Variants in XPO5 observed in about 807,000 individuals in gnomAD.
The protein encoded by XPO5 is exportin-5.
Under a neutral mutation model 160.6 loss-of-function variants are expected in XPO5, and 46 were observed. That is an observed-to-expected ratio of 0.29 (90% CI 0.23 to 0.37). XPO5 has a LOEUF of 0.37. Among genes scored for constraint, XPO5 ranks in the 10% least tolerant of loss-of-function variants. The pLI is 1.00. For missense variants in XPO5, 1,090 were observed against 1,463.9 expected (o/e 0.74, Z 4.17); for synonymous variants, 537 against 519.3 (o/e 1.03, Z -0.46).
intron 20 of XPO5, among the ~76,000 whole-genome samples, chr6:43,535,966 T>C (rs1794295480): frequency 1.3e-5 from 2 of 149,144 alleles, no homozygotes; most frequent in Non-Finnish European, 1.5e-5. Flanking sequence ...CTACTAAAAA[T>C]ATAAAAATTA....
At chr6:43,551,564 C>T in intron 14 of XPO5, 111 bp from the exon 15 acceptor site, 1 of 1,373,424 alleles carries the variant, frequency 7.3e-7, no homozygotes, top group Non-Finnish European at 1.0e-6. Flanking sequence ...ATTCTGTCAC[C>T]TAGGCTGGAG....
Position 43,523,670 on chromosome 6 carries a change from A to G in XPO5, c.*198T>C, listed in dbSNP as rs1453190992. 2 of 878,058 alleles carry G rather than the reference A, an allele frequency of 2.3e-6. No homozygotes were observed. The highest frequency in any genetic ancestry group is 2.6e-5 in the South Asian group (2 of 75,814). 54.4% of individuals were successfully genotyped at this position (878,058 alleles called of 1,614,324 possible). ...TCTAGACAGAATAGTTTAAGCCCTAACTCCCTTTCTTGATACTTTAGTATA... is the reference window on the plus strand; with the variant it reads ...TCTAGACAGAATAGTTTAAGCCCTAGCTCCCTTTCTTGATACTTTAGTATA... On this transcript the variant is annotated 3_prime_UTR_variant, in exon 32 of 32. Coordinates refer to ENST00000265351, the MANE Select transcript of XPO5 (RefSeq NM_020750.3).
At chr6:43,548,647 G>A (rs1486672845) in intron 17 of XPO5, among the ~76,000 whole-genome samples, 187 bp from the exon 18 acceptor site, 1 of 151,930 alleles carries the variant, frequency 6.6e-6, no homozygotes, top group Non-Finnish European at 1.5e-5. Context: ...TTAGGCGGAA[G>A]ATAGCTCTTG....
At position 43,528,876 on chromosome 6, in the gene XPO5, T is replaced by G; in HGVS notation, c.2727A>C (p.Glu909Asp). 2.5e-6 allele frequency: 4 copies of G among 1,613,956 alleles called. No individual in the cohort carries two copies. The highest frequency in any genetic ancestry group is 3.4e-6 in the Non-Finnish European group (4 of 1,179,876). Residue 909 changes from glutamate to aspartate, a missense_variant, in exon 24 of 32, where the codon GAA becomes GAC. Glu to Asp is a conservative substitution (Grantham distance 45). This residue lies in a region of XPO5 where 810 missense variants were observed against 1,139.0 expected (regional missense o/e 0.71). Transcript: ENST00000265351. ...LVLFCPPEHYEALVSPILGPL... is the reference protein window; with the variant it reads ...LVLFCPPEHYDALVSPILGPL... ...GTCCGAGGATGGGGGATACCAGGGC[T>G]TCATAGTGCTCTGGGGGACAGAAGA... is the stretch of plus-strand genomic sequence containing the variant.
intron 9 of XPO5, chr6:43,561,382 C>CT (rs889339855): frequency 2.3e-3 from 380 of 162,820 alleles, no homozygotes; most frequent in South Asian, 7.8e-3. Context: ...AGTTTCTTTT[C>CT]TTTTTTTTTT....
chr6:43,533,780 A>G (rs1253382104), intron 21 of XPO5, 127 bp downstream of exon 21: 3 of 554,428 alleles, frequency 5.4e-6, no homozygotes, highest in Non-Finnish European at 9.1e-6. Flanking sequence ...GCCTACAGTG[A>G]GCTATGGTTG....
intron 20 of XPO5, chr6:43,539,535 C>G: frequency 6.7e-7 from 1 of 1,491,988 alleles, no homozygotes; most frequent in South Asian, 1.1e-5. Context: ...CACTCCTTAT[C>G]TTTGGCCTTG....
Position 43,526,763 on chromosome 6 carries a change from A to G in XPO5, c.2921-16T>C. On this transcript the variant is annotated splice_polypyrimidine_tract_variant and intron_variant, in intron 26 of 31. Transcript: ENST00000265351. Reference sequence around the variant, plus strand: ...CAGCAAACCGCTAAAGCAAGAAAGCAGGGTTACTAGGTGAAGGGTGGGTAT... The same window carrying G: ...CAGCAAACCGCTAAAGCAAGAAAGCGGGGTTACTAGGTGAAGGGTGGGTAT... 6.2e-7 allele frequency: 1 copy of G among 1,612,604 alleles called. No individual in the cohort carries two copies. Among genetic ancestry groups the G allele is most frequent in the Non-Finnish European group, 8.5e-7 (1 of 1,179,300 alleles).
intron 21 of XPO5, chr6:43,533,694 C>G: frequency 6.4e-6 from 2 of 310,954 alleles, no homozygotes; most frequent in South Asian, 6.7e-5. Context: ...TAAAGTTCGT[C>G]TGGCGTTGTG....
In XPO5 at chr6:43,558,523, C is replaced by T. The variant is rs753439099; in HGVS notation, c.1290G>A (p.Glu430=). 60 of 1,603,654 alleles carry T rather than the reference C, an allele frequency of 3.7e-5. No individual in the cohort carries two copies. The highest frequency in any genetic ancestry group is 4.0e-5 in the Non-Finnish European group (47 of 1,175,490). Residue 430 remains glutamate (E), a synonymous_variant, in exon 12 of 32, where the codon GAG becomes GAA. Coordinates refer to ENST00000265351, the MANE Select transcript of XPO5 (RefSeq NM_020750.3). ...TACAGTTGAAGAAAGCATTGAAGTC[C>T]TCATCGCTATCAAAATCAAACCGAG... ...EYSRFDFDSD[E]DFNAFFNSSR...
chr6:43,569,830 C>T (rs1479954017), intron 5 of XPO5, among the ~76,000 whole-genome samples: 1 of 151,692 alleles, frequency 6.6e-6, no homozygotes, highest in African/African-American at 2.4e-5. Flanking sequence ...CACCTATAAT[C>T]TCAGCACTTT....
At chr6:43,542,893 A>G (rs912799468) in intron 20 of XPO5, among the ~76,000 whole-genome samples, 1 of 152,192 alleles carries the variant, frequency 6.6e-6, no homozygotes, top group South Asian at 2.1e-4. Flanking sequence ...TTATATATAT[A>G]TGTTCACAAA....
chr6:43,527,324 T>C (rs1387885774), intron 26 of XPO5: 2 of 247,288 alleles, frequency 8.1e-6, no homozygotes, highest in African/African-American at 4.5e-5. Flanking sequence ...CAGGCTGGAG[T>C]GCAGTGGCGT....
At chr6:43,553,636 G>C (rs1795367395) in intron 13 of XPO5, 133 bp from the exon 14 acceptor site, 1 of 1,422,324 alleles carries the variant, frequency 7.0e-7, no homozygotes, top group African/African-American at 1.4e-5. Context: ...GAAGGAGCAG[G>C]GTAATCTAAC....
At chr6:43,524,417 A>G (rs1166451451) in intron 31 of XPO5, 54 bp downstream of exon 31, 5 of 1,583,850 alleles carry the variant, frequency 3.2e-6, no homozygotes, top group African/African-American at 1.4e-5. Flanking sequence ...TGGTTTGCCC[A>G]TACACATGAT....
At chr6:43,565,570 A>AT in intron 8 of XPO5, 90 bp downstream of exon 8, 3 of 415,752 alleles carry the variant, frequency 7.2e-6, no homozygotes, top group Non-Finnish European at 6.4e-6. Context: ...TCTCAAAATA[A>AT]AAAAAAAAAA....
chr6:43,533,927 G>A lies in XPO5; in HGVS notation c.2423C>T (p.Ala808Val), dbSNP rs35794454. 8.0e-5 allele frequency: 129 copies of A among 1,604,178 alleles called. No homozygotes were observed. The highest frequency in any genetic ancestry group is 4.8e-4 in the African/African-American group (36 of 74,764). Residue 808 changes from alanine (A) to valine (V), a missense_variant, in exon 21 of 32, where the codon GCG (alanine) becomes GTG (valine). Physicochemically the swap from Ala to Val is moderately conservative, Grantham distance 64. This residue lies in a region of XPO5 where 810 missense variants were observed against 1,139.0 expected (regional missense o/e 0.71). Coordinates refer to ENST00000265351, the MANE Select transcript of XPO5 (RefSeq NM_020750.3). ...PFTKALDMLD[A>V]EKSAILGLPQ... ...CTTACCTAATATAGCAGATTTTTCC[G>A]CGTCAAGCATATCCAGAGCCTTGGT...
At chr6:43,568,332 A>C (rs553213946) in intron 6 of XPO5, among the ~76,000 whole-genome samples, 46 of 151,914 alleles carry the variant, frequency 3.0e-4, no homozygotes, top group African/African-American at 1.0e-3. Context: ...AACAAACAAA[A>C]AAAACAAACG....
At position 43,570,637 on chromosome 6, in the gene XPO5, C is replaced by G. The variant is rs1443419497; in HGVS notation, c.486G>C (p.Glu162Asp). The change falls in exon 5 of 32, where the codon GAG becomes GAC. Residue 162 changes from glutamate to aspartate, a missense_variant. By Grantham distance (45) the Glu-to-Asp change is conservative. Transcript: ENST00000265351. ...LVMFILLRLA[E>D]DVVTFQTLPP... ...GAAGTGTCTGAAAAGTCACTACATC[C>G]TCTGCCAGTCGCAAAAGGATAAACA... The G allele has an allele frequency of 6.2e-7, 1 of 1,613,394 alleles. No individual in the cohort carries two copies. Among genetic ancestry groups the G allele is most frequent in the Admixed American group, 1.7e-5 (1 of 59,932 alleles).
Sources: allele counts gnomAD v4.1 joint callset (sites outside exome capture counted in the v4.1 genomes callset), GRCh38; gene constraint gnomAD v4.1.1; regional missense constraint gnomAD v4.1.1; transcripts MANE v1.5; gene names NCBI Gene and HGNC (gene_info 2026-07-23, HGNC 2026-07-21).